The following ZNF713 variants were observed in gnomAD, a reference collection of about 807,000 sequenced individuals.
The protein encoded by ZNF713 is zinc finger protein 713.
Under a neutral mutation model 28.7 loss-of-function variants are expected in ZNF713, and 21 were observed. The ratio of observed to expected loss-of-function variants is 0.73; its 90% CI spans 0.52 to 1.05. The LOEUF is 1.05. Among genes scored for constraint, ZNF713 ranks in the 50% least tolerant of loss-of-function variants. The pLI is 0.00. For missense variants in ZNF713, 458 were observed against 532.4 expected, an observed-to-expected ratio of 0.86 and a Z score of 1.37; for synonymous variants, 167 against 178.0, an observed-to-expected ratio of 0.94 and a Z score of 0.49.
chr7:55,888,594 C>G (rs1406255212), intron 1 of ZNF713, among the ~76,000 whole-genome samples: 1 of 151,956 alleles, frequency 6.6e-6, no homozygotes, highest in Non-Finnish European at 1.5e-5. Flanking sequence ...ACCATGTTTC[C>G]CAGGCTGGTC....
intron 6 of ZNF713, among the ~76,000 whole-genome samples, chr7:55,935,964 AAG>A (rs762257717): frequency 2.0e-5 from 3 of 149,156 alleles, no homozygotes; most frequent in Non-Finnish European, 4.5e-5. Context: ...CAAGAAAAAA[AAG>A]AGAAAGATCT....
chr7:55,925,535 C>T (rs1004969198), intron 6 of ZNF713, among the ~76,000 whole-genome samples: 3 of 152,050 alleles, frequency 2.0e-5, no homozygotes, highest in Admixed American at 6.6e-5. Flanking sequence ...GCAAGATAAT[C>T]GCTTGAACCT....
intron 6 of ZNF713, among the ~76,000 whole-genome samples, chr7:55,938,672 C>G (rs1387269727): frequency 3.3e-5 from 5 of 151,336 alleles, no homozygotes; most frequent in Non-Finnish European, 2.9e-5. Flanking sequence ...CACCACTGAT[C>G]AGAGACTTTT....
At chr7:55,894,444 AT>A (rs1473007765) in intron 1 of ZNF713, among the ~76,000 whole-genome samples, 1 of 152,248 alleles carries the variant, frequency 6.6e-6, no homozygotes, top group Non-Finnish European at 1.5e-5. Flanking sequence ...TATTTAAAAA[AT>A]AAAGCTAAAA....
chr7:55,917,566 G>C (rs1785907680), intron 4 of ZNF713, among the ~76,000 whole-genome samples: 1 of 138,336 alleles, frequency 7.2e-6, no homozygotes, highest in Non-Finnish European at 1.6e-5. Flanking sequence ...TGGGGGACTA[G>C]TGGTGGTGTG....
chr7:55,925,465 A>C (rs1786080165), intron 6 of ZNF713, among the ~76,000 whole-genome samples: 1 of 152,084 alleles, frequency 6.6e-6, no homozygotes, highest in South Asian at 2.1e-4. Flanking sequence ...TACTAAAAAT[A>C]CAAAAATTAG....
At chr7:55,937,222 C>T (rs1017413105) in intron 6 of ZNF713, among the ~76,000 whole-genome samples, 1 of 151,960 alleles carries the variant, frequency 6.6e-6, no homozygotes. Context: ...ATCGCTTGAA[C>T]CCACAAGACA....
In ZNF713 at chr7:55,904,110, G is replaced by A. The variant is rs969298867; in HGVS notation, c.-582-2143G>A. Among the ~76,000 whole-genome samples, 2 of 49,710 alleles carry A rather than the reference G, an allele frequency of 4.0e-5. 1 individual carries two copies. The highest frequency in any genetic ancestry group is 1.0e-4 in the Non-Finnish European group (2 of 20,002). 32.6% of individuals were successfully genotyped at this position (49,710 alleles called of 152,430 possible). On this transcript the variant is annotated intron_variant, in intron 1 of 6. Transcript: ENST00000429591. Reference sequence around the variant, plus strand: ...TAGATCACAGCTCCCTGAGAGAGACGGTGGAAGTAAAGCAAGAGTCACCAG... The same window carrying A: ...TAGATCACAGCTCCCTGAGAGAGACAGTGGAAGTAAAGCAAGAGTCACCAG...
chr7:55,911,297 G>T (rs1318659629), intron 2 of ZNF713, among the ~76,000 whole-genome samples: 1 of 152,116 alleles, frequency 6.6e-6, no homozygotes, highest in African/African-American at 2.4e-5. Flanking sequence ...TTACTTTGTT[G>T]TTGAAACATG....
intron 4 of ZNF713, among the ~76,000 whole-genome samples, chr7:55,912,937 A>C (rs1035851520): frequency 4.6e-5 from 7 of 152,284 alleles, no homozygotes; most frequent in Middle Eastern, 3.4e-3. Flanking sequence ...ACTCAATTTC[A>C]TGGATTCCTG....
chr7:55,926,645 C>A (rs1156865298), intron 6 of ZNF713, among the ~76,000 whole-genome samples: 2 of 152,168 alleles, frequency 1.3e-5, no homozygotes, highest in Non-Finnish European at 2.9e-5. Flanking sequence ...TATCTAAAAT[C>A]TTTCTTAAGC....
intron 1 of ZNF713, among the ~76,000 whole-genome samples, chr7:55,890,879 G>A (rs945910879): frequency 2.6e-5 from 4 of 151,698 alleles, no homozygotes; most frequent in Non-Finnish European, 4.4e-5. Context: ...TTAGCTGGGC[G>A]TGGTGGCACG....
In ZNF713 at chr7:55,930,219, T is replaced by C. The variant is rs533986493; in HGVS notation, c.307+6520T>C. On this transcript the variant is annotated intron_variant, in intron 6 of 6. Coordinates refer to ENST00000429591, the MANE Select transcript of ZNF713 (RefSeq NM_182633.3). ...CATATGAAAAAATGTTCAATCTCAG[T>C]CATAATAAGAGAAATACAAATTAAA... 1.3e-4 allele frequency among the ~76,000 whole-genome samples: 20 copies of C among 152,274 alleles called. No homozygotes were observed. The South Asian group carries it at 3.9e-3, about 30-fold the overall frequency.
chr7:55,925,062 C>T (rs1471472895), intron 6 of ZNF713, among the ~76,000 whole-genome samples: 2 of 151,626 alleles, frequency 1.3e-5, no homozygotes, highest in Admixed American at 1.3e-4. Flanking sequence ...TCTGGCATAC[C>T]ACCTACGATG....
chr7:55,893,782 G>C lies in ZNF713; in HGVS notation c.-583+6102G>C, dbSNP rs140969235. 9.4e-3 allele frequency among the ~76,000 whole-genome samples: 1,426 copies of C among 152,226 alleles called. 10 individuals carry two copies. The highest frequency in any genetic ancestry group is 0.031 in the Middle Eastern group (9 of 294). On this transcript the variant is annotated intron_variant, in intron 1 of 6. Transcript: ENST00000429591. ...TTTAGTAGAGACAGCATTTCACTAT[G>C]TTGGCCAGGCTGGTCTCAAACTCCT...
chr7:55,922,899 T>A (rs1786019422), intron 4 of ZNF713, among the ~76,000 whole-genome samples: 1 of 152,210 alleles, frequency 6.6e-6, no homozygotes, highest in Non-Finnish European at 1.5e-5. Flanking sequence ...TTTTTAATCA[T>A]TTGGATGAAA....
At chr7:55,892,578 A>C (rs972042119) in intron 1 of ZNF713, among the ~76,000 whole-genome samples, 1 of 149,934 alleles carries the variant, frequency 6.7e-6, no homozygotes, top group African/African-American at 2.4e-5. Flanking sequence ...AAAAAAAAAA[A>C]CAAAGCAGAA....
At position 55,919,876 on chromosome 7, in the gene ZNF713, T is replaced by A. The variant is rs75449557; in HGVS notation, c.88-3286T>A. Among the ~76,000 whole-genome samples, 58 of 152,152 alleles carry A rather than the reference T, an allele frequency of 3.8e-4. 1 individual carries two copies. The East Asian group carries it at 9.5e-3, about 25-fold the overall frequency. ...CTCTACCTCAAGTGTATTTTTTTTT[T>A]TATTATACTTCAAGTTCTGGGGTAT... is the stretch of plus-strand genomic sequence containing the variant. On this transcript the variant is annotated intron_variant, in intron 4 of 6. Coordinates refer to ENST00000429591, the MANE Select transcript of ZNF713 (RefSeq NM_182633.3).
At chr7:55,891,157 A>AT in intron 1 of ZNF713, among the ~76,000 whole-genome samples, 1 of 152,342 alleles carries the variant, frequency 6.6e-6, no homozygotes, top group South Asian at 2.1e-4. Context: ...AATGTGGACA[A>AT]TTAGAAGTTT....
Sources: gnomAD v4.1 joint callset for allele counts (sites outside exome capture counted in the v4.1 genomes callset) on GRCh38, gnomAD v4.1.1 for gene constraint, MANE v1.5 for transcripts, NCBI Gene and HGNC (gene_info 2026-07-23, HGNC 2026-07-21) for gene names.